The following GSG1 variants were observed in gnomAD, a reference collection of about 807,000 sequenced individuals.
The protein encoded by GSG1 is germ cell-specific gene 1 protein.
Under a neutral mutation model 30.8 loss-of-function variants are expected in GSG1, and 28 were observed. That is an observed-to-expected ratio of 0.91 (90% CI 0.67 to 1.25). GSG1 has a LOEUF of 1.25. Among genes scored for constraint, GSG1 ranks in the 50% most tolerant of loss-of-function variants. The pLI is 0.00. For synonymous variants in GSG1, 162 were observed against 178.0 expected (o/e 0.91, Z 0.71); for missense variants, 435 against 444.7 (o/e 0.98, Z 0.20).
intron 1 of GSG1, among the ~76,000 whole-genome samples, chr12:13,099,934 G>A (rs990094657): frequency 2.0e-5 from 3 of 152,056 alleles, no homozygotes; most frequent in African/African-American, 4.8e-5. Context: ...TAAATGTTTC[G>A]GCTATCGCCG....
intron 2 of GSG1, among the ~76,000 whole-genome samples, chr12:13,089,827 GATCA>G (rs1555124998): frequency 6.6e-6 from 1 of 152,208 alleles, no homozygotes; most frequent in Non-Finnish European, 1.5e-5. Context: ...GAGGTGGGCA[GATCA>G]CCTGAGGTCG....
chr12:13,087,783 C>A, intron 5 of GSG1, 124 bp downstream of exon 5: 1 of 885,064 alleles, frequency 1.1e-6, no homozygotes. Flanking sequence ...ATTAAAGATG[C>A]CTACCTCCAT....
At chr12:13,089,179 G>A (rs1419059742) in intron 3 of GSG1, 29 bp downstream of exon 3, 2 of 1,548,608 alleles carry the variant, frequency 1.3e-6, no homozygotes, top group African/African-American at 1.4e-5. Context: ...GTGTCCAGAA[G>A]AGTTAATGAT....
At chr12:13,099,750 G>GTTTTGTTTTTTTTTTTTTTTTTTTT (rs1863022060) in intron 1 of GSG1, among the ~76,000 whole-genome samples, 1 of 114,832 alleles carries the variant, frequency 8.7e-6, no homozygotes, top group Non-Finnish European at 1.8e-5. Flanking sequence ...GTTTTTTTTT[G>GTTTTGTTTTTTTTTTTTTTTTTTTT]TTTTTTTTTT....
At chr12:13,088,824 G>T in intron 4 of GSG1, 38 bp downstream of exon 4, 1 of 1,614,168 alleles carries the variant, frequency 6.2e-7, no homozygotes, top group Non-Finnish European at 8.5e-7. Context: ...GGTGACATGG[G>T]CCTTGCAACG....
Position 13,084,110 on chromosome 12 carries a change from G to T in GSG1, c.*791C>A, listed in dbSNP as rs1473894246. ...GTCTAGATTCTTGAGGAATCAGATG[G>T]GTGGCATTCTTTATGAAGGAAATAA... On this transcript the variant is annotated 3_prime_UTR_variant, in exon 7 of 7. Coordinates refer to ENST00000651961, the MANE Select transcript of GSG1 (RefSeq NM_001080555.4). The T allele has an allele frequency of 1.3e-5, 2 of 152,108 alleles. No homozygotes were observed. The highest frequency in any genetic ancestry group is 2.9e-5 in the Non-Finnish European group (2 of 68,022). 9.4% of individuals were successfully genotyped at this position (152,108 alleles called of 1,614,324 possible). A position where few individuals can be genotyped will look rare whatever the true frequency, so the allele number is the denominator to read the frequency against.
At chr12:13,091,071 T>C (rs988536973) in intron 1 of GSG1, among the ~76,000 whole-genome samples, 1 of 152,004 alleles carries the variant, frequency 6.6e-6, no homozygotes, top group Admixed American at 6.6e-5. Context: ...GAAGCAGCTC[T>C]CTCTGACATT....
chr12:13,084,075 G>A lies in GSG1; in HGVS notation c.*826C>T, dbSNP rs570720007. On this transcript the variant is annotated 3_prime_UTR_variant, in exon 7 of 7. Transcript: ENST00000651961. ...AGTAATGGGATGGCTGGGTCAAATG[G>A]TATTTCTAGGTCTAGATTCTTGAGG... is the stretch of plus-strand genomic sequence containing the variant. The A allele has an allele frequency of 6.6e-6, 1 of 152,068 alleles. No individual in the cohort carries two copies. Among genetic ancestry groups the A allele is most frequent in the South Asian group, 2.1e-4 (1 of 4,826 alleles). The allele number at this position is 152,068 out of a possible 1,614,324, so 9.4% of individuals were successfully genotyped here. A position where few individuals can be genotyped will look rare whatever the true frequency, so the allele number is the denominator to read the frequency against.
At position 13,084,887 on chromosome 12, in the gene GSG1, A is replaced by T. The variant is rs751015690; in HGVS notation, c.*14T>A. Reference sequence around the variant, plus strand: ...AGGTAGGGCTCAAGCCTACTCCCCAAACCCGCTTAACTCCTAACACTGCTC... The same window carrying T: ...AGGTAGGGCTCAAGCCTACTCCCCATACCCGCTTAACTCCTAACACTGCTC... On this transcript the variant is annotated 3_prime_UTR_variant, in exon 7 of 7. Transcript: ENST00000651961. The T allele has an allele frequency of 6.6e-7, 1 of 1,521,276 alleles. No homozygotes were observed. The highest frequency in any genetic ancestry group is 1.3e-5 in the South Asian group (1 of 79,756). 94.2% of individuals were successfully genotyped at this position (1,521,276 alleles called of 1,614,324 possible).
At chr12:13,085,781 G>A (rs1228004787) in intron 6 of GSG1, among the ~76,000 whole-genome samples, 1 of 152,104 alleles carries the variant, frequency 6.6e-6, no homozygotes, top group Non-Finnish European at 1.5e-5. Flanking sequence ...AAAAAGGTGA[G>A]CCTCTGAAAG....
rs750001321 is a variant in GSG1, at chr12:13,088,019, G to A, written c.522C>T (p.Ile174=). 78 of 1,614,116 alleles carry A rather than the reference G, an allele frequency of 4.8e-5. No individual in the cohort carries two copies. Among genetic ancestry groups the A allele is most frequent in the Non-Finnish European group, 6.4e-5 (76 of 1,180,042 alleles). Residue 174 remains isoleucine, a synonymous_variant, in exon 5 of 7, where the codon ATC becomes ATT. Transcript: ENST00000651961. The part of the protein sequence containing the change: ...WLSLGTQITY[I]GLQFISFLLL... The stretch of plus-strand genomic sequence containing the variant: ...GGAGGAAGCTGATGAATTGAAGTCC[G>A]ATGTAGGTGATCTGCGTTCCCAGGG...
intron 6 of GSG1, among the ~76,000 whole-genome samples, chr12:13,085,664 C>CAA (rs909522879): frequency 1.3e-5 from 2 of 152,084 alleles, no homozygotes; most frequent in African/African-American, 2.4e-5. Context: ...TCTCCCACCC[C>CAA]AACACACACA....
chr12:13,097,638 G>A (rs1862831059), intron 1 of GSG1, among the ~76,000 whole-genome samples: 1 of 151,890 alleles, frequency 6.6e-6, no homozygotes, highest in African/African-American at 2.4e-5. Context: ...AACAATCTTT[G>A]GAAGTTTGGA....
intron 1 of GSG1, among the ~76,000 whole-genome samples, chr12:13,100,115 A>G (rs1354726351): frequency 2.7e-5 from 4 of 150,090 alleles, no homozygotes; most frequent in Non-Finnish European, 5.9e-5. Context: ...CTCAGAGCCT[A>G]GCAGTGTTTT....
At chr12:13,095,640 G>A (rs767565883) in intron 1 of GSG1, 7 of 1,614,192 alleles carry the variant, frequency 4.3e-6, no homozygotes, top group East Asian at 2.2e-5. Flanking sequence ...TGGAAGAACC[G>A]AAGGATGCCA....
In GSG1 at chr12:13,087,164, C is replaced by T; in HGVS notation, c.734G>A (p.Gly245Asp). 6.2e-7 allele frequency: 1 copy of T among 1,612,464 alleles called. No homozygotes were observed. The highest frequency in any genetic ancestry group is 8.5e-7 in the Non-Finnish European group (1 of 1,178,598). ...EDWRPHVWNY[G>D]WAFYMAWLSF... ...TGACAGCACTTACTAGAAGGCCCAG[C>T]CATAATTCCAAACATGTGGTCTCCA... The change falls in exon 6 of 7, where the codon GGC becomes GAC. Residue 245 changes from glycine (G) to aspartate (D), a missense_variant. By Grantham distance (94) the Gly-to-Asp change is moderately conservative. Coordinates refer to ENST00000651961, the MANE Select transcript of GSG1 (RefSeq NM_001080555.4).
At chr12:13,103,286 C>G (rs561338225) in intron 1 of GSG1, among the ~76,000 whole-genome samples, 179 bp downstream of exon 1, 1 of 152,310 alleles carries the variant, frequency 6.6e-6, no homozygotes, top group East Asian at 1.9e-4. Context: ...TCTATGAAAA[C>G]TGGGCTGAGT....
rs57762367 is a variant in GSG1, at chr12:13,099,750, G to GTTTTTTTTTTTT, written c.48+3703_48+3714dup. On this transcript the variant is annotated intron_variant, in intron 1 of 6. Transcript: ENST00000651961. ...GCTAAGGGATCCGGTGTTTTTTTTTGTTTTTTTTTTTTTTTTTTGTTTTTT... is the reference window on the plus strand; with the variant it reads ...GCTAAGGGATCCGGTGTTTTTTTTTGTTTTTTTTTTTTTTTTTTTTTTTTTTTTTTGTTTTTT... Among the ~76,000 whole-genome samples the GTTTTTTTTTTTT allele has an allele frequency of 4.7e-3, 537 of 114,686 alleles. 1 individual carries two copies. Among genetic ancestry groups the GTTTTTTTTTTTT allele is most frequent in the Non-Finnish European group, 7.4e-3 (411 of 55,474 alleles). 75.2% of individuals were successfully genotyped at this position (114,686 alleles called of 152,430 possible). A position where few individuals can be genotyped will look rare whatever the true frequency, so the allele number is the denominator to read the frequency against.
At chr12:13,087,365 C>G in intron 5 of GSG1, 102 bp from the exon 6 acceptor site, 1 of 805,782 alleles carries the variant, frequency 1.2e-6, no homozygotes, top group East Asian at 2.5e-5. Context: ...GGCGCAGCCT[C>G]TGTTGGAGTA....
Sources: gnomAD v4.1 joint callset for allele counts (sites outside exome capture counted in the v4.1 genomes callset) on GRCh38, gnomAD v4.1.1 for gene constraint, MANE v1.5 for transcripts, NCBI Gene and HGNC (gene_info 2026-07-23, HGNC 2026-07-21) for gene names.